Variants in IRAG2 observed in about 807,000 individuals in gnomAD.
IRAG2 encodes the protein inositol 1,4,5-triphosphate receptor associated 2, also known as lymphoid restricted membrane protein.
IRAG2 carries 45 observed loss-of-function variants against 69.9 expected under a neutral mutation model. The observed-to-expected ratio is 0.64, with a 90% CI of 0.51 to 0.83. IRAG2 has a LOEUF of 0.83. IRAG2 is among the 40% of genes least tolerant of loss of function. The probability of loss-of-function intolerance (pLI) is 0.00; values close to 1 mark genes in which losing one functional copy is unlikely to be tolerated. For synonymous variants in IRAG2, 193 were observed against 202.4 expected, an observed-to-expected ratio of 0.95 and a Z score of 0.40; for missense variants, 520 against 587.0, an observed-to-expected ratio of 0.89 and a Z score of 1.18.
chr12:25,085,072 C>T (rs1947478309), intron 10 of IRAG2, among the ~76,000 whole-genome samples: 1 of 152,222 alleles, frequency 6.6e-6, no homozygotes, highest in African/African-American at 2.4e-5. Context: ...TCTGTGATTC[C>T]CAAAGTCCAA....
intron 21 of IRAG2, among the ~76,000 whole-genome samples, 155 bp from the exon 22 acceptor site, chr12:25,107,658 AGATT>A (rs1949287955): frequency 6.6e-6 from 1 of 152,274 alleles, no homozygotes; most frequent in Admixed American, 6.5e-5. Flanking sequence ...GGTGGGAGGC[AGATT>A]GTTTCCAAAA....
At chr12:25,079,799 C>T in intron 9 of IRAG2, 36 bp downstream of exon 9, 1 of 1,361,408 alleles carries the variant, frequency 7.3e-7, no homozygotes, top group Non-Finnish European at 1.1e-6. Flanking sequence ...GATTTTAATT[C>T]TAAAACACGA....
chr12:25,014,310 G>A (rs76339271), intron 3 of IRAG2, among the ~76,000 whole-genome samples: 3,211 of 152,230 alleles, frequency 0.021, 45 homozygotes, highest in East Asian at 0.085. Context: ...AATCATGGGC[G>A]CTAGAAATAC....
intron 16 of IRAG2, among the ~76,000 whole-genome samples, chr12:25,038,533 T>C (rs887704649): frequency 1.3e-5 from 2 of 151,888 alleles, no homozygotes; most frequent in African/African-American, 4.8e-5. Context: ...TCCCAGCTAC[T>C]TGGGAGGCTG....
upstream of IRAG2, among the ~76,000 whole-genome samples, chr12:25,003,955 G>A (rs540306226): frequency 1.2e-3 from 177 of 152,256 alleles, 2 homozygotes; most frequent in African/African-American, 3.9e-3. Context: ...GACTGCCTGC[G>A]TTAGAATCTG....
chr12:25,050,527 C>CAA (rs747761089), upstream of IRAG2, among the ~76,000 whole-genome samples: 14 of 47,880 alleles, frequency 2.9e-4, no homozygotes, highest in East Asian at 5.6e-4. Flanking sequence ...GACTCCGTCT[C>CAA]AAAAAAAACA....
chr12:25,034,956 CTG>C (rs1944692698), intron 13 of IRAG2, among the ~76,000 whole-genome samples: 1 of 152,228 alleles, frequency 6.6e-6, no homozygotes, highest in Non-Finnish European at 1.5e-5. Flanking sequence ...CTGAATGAAA[CTG>C]TGGCAAATCT....
intron 2 of IRAG2, chr12:25,011,219 T>C (rs1944472278): frequency 3.4e-6 from 2 of 580,978 alleles, no homozygotes; most frequent in African/African-American, 3.9e-5. Context: ...AAGGCCAGTG[T>C]TCTTTACAAT....
At chr12:25,060,511 T>C (rs1945549783) in intron 1 of IRAG2, among the ~76,000 whole-genome samples, 1 of 152,024 alleles carries the variant, frequency 6.6e-6, no homozygotes, top group Admixed American at 6.6e-5. Context: ...AGTTACCTTT[T>C]CAATCGTCTG....
chr12:25,087,153 C>CTTCTTT (rs1947668889), intron 10 of IRAG2, among the ~76,000 whole-genome samples: 1 of 76,656 alleles, frequency 1.3e-5, no homozygotes, highest in Admixed American at 2.1e-4. Context: ...ACTCTCCTTC[C>CTTCTTT]TTTTTTTTTT....
rs1946807788 is a variant in IRAG2 at position 25,077,282 on chromosome 12, ATATG to A, written c.25-1961_25-1958del. 2.4e-5 allele frequency among the ~76,000 whole-genome samples: 2 copies of A among 83,778 alleles called. 1 individual carries two copies. Among genetic ancestry groups the A allele is most frequent in the Non-Finnish European group, 4.6e-5 (2 of 43,476 alleles). 55.0% of individuals were successfully genotyped at this position (83,778 alleles called of 152,430 possible). A position where few individuals can be genotyped will look rare whatever the true frequency, so the allele number is the denominator to read the frequency against. On this transcript the variant is annotated intron_variant, in intron 6 of 21. Transcript: ENST00000556887. The stretch of plus-strand genomic sequence containing the variant: ...TATATATGAAATATATATGAAATAT[ATATG>A]ATATATATATGAAATATATATGATA...
intron 6 of IRAG2, chr12:25,076,639 A>C: frequency 1.0e-6 from 1 of 980,814 alleles, no homozygotes; most frequent in African/African-American, 1.7e-5. Context: ...TGATCTTGAC[A>C]GGTACAAAAT....
intron 5 of IRAG2, among the ~76,000 whole-genome samples, chr12:25,016,727 G>A (rs1183896693): frequency 1.3e-5 from 2 of 150,188 alleles, no homozygotes; most frequent in Non-Finnish European, 3.0e-5. Flanking sequence ...CATCTTGGGC[G>A]ACAGAGCAAG....
chr12:25,084,354 C>T (rs11047819), intron 10 of IRAG2, among the ~76,000 whole-genome samples: 13,534 of 151,976 alleles, frequency 0.089, 710 homozygotes, highest in African/African-American at 0.14. Flanking sequence ...CATGCCACTG[C>T]ACTCCAACCT....
At chr12:25,066,801 C>T (rs1946010850) in intron 5 of IRAG2, among the ~76,000 whole-genome samples, 1 of 151,960 alleles carries the variant, frequency 6.6e-6, no homozygotes, top group South Asian at 2.1e-4. Flanking sequence ...AGACGCATGC[C>T]ACCATGCCCA....
rs371969682 is a variant in IRAG2, at chr12:25,107,001, A to G, written c.1207A>G (p.Ser403Gly). The G allele has an allele frequency of 6.8e-6, 11 of 1,608,558 alleles. No individual in the cohort carries two copies. The highest frequency in any genetic ancestry group is 1.3e-5 in the African/African-American group (1 of 74,698). ...AACAGTAGAAAGGACAAGGAAGCCA[A>G]GTCTTTCTGAAAAGAAAAATAATCC... Reference protein sequence around the residue: ...EETVERTRKPSLSEKKNNPSK... With the variant: ...EETVERTRKPGLSEKKNNPSK... The change falls in exon 21 of 22, where the codon AGT (serine) becomes GGT (glycine). Residue 403 changes from serine to glycine, a missense_variant. Physicochemically the swap from Ser to Gly is moderately conservative, Grantham distance 56. Coordinates refer to ENST00000556887, the MANE Select transcript of IRAG2 (RefSeq NM_001366544.2).
chr12:25,058,010 C>T (rs952284392), intron 1 of IRAG2, among the ~76,000 whole-genome samples: 3 of 152,116 alleles, frequency 2.0e-5, no homozygotes, highest in Non-Finnish European at 2.9e-5. Flanking sequence ...TGGATATCTG[C>T]AGTATATGCA....
upstream of IRAG2, among the ~76,000 whole-genome samples, chr12:25,003,177 A>G (rs192796951): frequency 1.3e-5 from 2 of 151,868 alleles, no homozygotes; most frequent in Non-Finnish European, 2.9e-5. Flanking sequence ...TTTCTGTATT[A>G]TTGTTCATTC....
chr12:25,058,543 A>T (rs1228150994), intron 1 of IRAG2, among the ~76,000 whole-genome samples: 1 of 152,222 alleles, frequency 6.6e-6, no homozygotes. Context: ...TTTACAGAAC[A>T]TGAGGTTTTT....
Sources: gnomAD v4.1 joint callset for allele counts (sites outside exome capture counted in the v4.1 genomes callset) on GRCh38, gnomAD v4.1.1 for gene constraint, MANE v1.5 for transcripts, NCBI Gene and HGNC (gene_info 2026-07-23, HGNC 2026-07-21) for gene names.